Variants in TBC1D9 observed in about 807,000 individuals in gnomAD.
TBC1D9 encodes TBC1 domain family member 9.
In TBC1D9, 63 loss-of-function variants were observed where a neutral mutation model predicts 132.0. That is an observed-to-expected ratio of 0.48 (90% CI 0.39 to 0.59). The LOEUF is 0.59. Ranked by LOEUF, TBC1D9 falls within the 20% of genes least tolerant of loss-of-function variation. The pLI is 0.00. For missense variants in TBC1D9, 1,261 were observed against 1,592.7 expected (o/e 0.79, Z 3.54); for synonymous variants, 610 against 609.9 (o/e 1.00, Z 0.00).
At chr4:140,643,077 T>C in intron 13 of TBC1D9, 12 of 1,337,388 alleles carry the variant, frequency 9.0e-6, no homozygotes, top group Non-Finnish European at 1.2e-5. Flanking sequence ...GCTGTACTTA[T>C]TGTGGGCTTC....
intron 1 of TBC1D9, among the ~76,000 whole-genome samples, chr4:140,738,914 A>C (rs1230428658): frequency 6.6e-6 from 1 of 152,238 alleles, no homozygotes; most frequent in East Asian, 1.9e-4. Context: ...AATCCATGAC[A>C]AACAATGGCC....
chr4:140,660,361 A>G (rs928407531), intron 10 of TBC1D9, among the ~76,000 whole-genome samples: 2 of 152,264 alleles, frequency 1.3e-5, no homozygotes, highest in African/African-American at 4.8e-5. Flanking sequence ...CAAAAGGTAA[A>G]TATGAACTTT....
chr4:140,651,471 C>T (rs771174889), intron 13 of TBC1D9, among the ~76,000 whole-genome samples: 44 of 152,292 alleles, frequency 2.9e-4, no homozygotes, highest in Middle Eastern at 3.4e-3. Context: ...TCAATAACAA[C>T]AAAACAATCT....
chr4:140,662,187 CT>C, intron 9 of TBC1D9, 80 bp from the exon 10 acceptor site: 1 of 1,122,722 alleles, frequency 8.9e-7, no homozygotes, highest in Non-Finnish European at 1.4e-6. Context: ...TATGATTGAA[CT>C]GCTTTACTTT....
At chr4:140,733,740 T>C (rs1475716273) in intron 1 of TBC1D9, among the ~76,000 whole-genome samples, 3 of 152,214 alleles carry the variant, frequency 2.0e-5, no homozygotes, top group Non-Finnish European at 1.5e-5. Context: ...GAACTGCCTA[T>C]GCGTTCTGTT....
chr4:140,640,465 G>A (rs1338669919), intron 13 of TBC1D9, among the ~76,000 whole-genome samples: 2 of 147,022 alleles, frequency 1.4e-5, no homozygotes, highest in Non-Finnish European at 3.0e-5. Flanking sequence ...GGAGTAGGTG[G>A]GGGTGATTTC....
At chr4:140,640,903 GATTT>G (rs1194640474) in intron 13 of TBC1D9, among the ~76,000 whole-genome samples, 1 of 140,346 alleles carries the variant, frequency 7.1e-6, no homozygotes, top group African/African-American at 3.2e-5. Flanking sequence ...TATATATATA[GATTT>G]ATTTTACTTT....
intron 10 of TBC1D9, among the ~76,000 whole-genome samples, chr4:140,660,775 TAA>T (rs757239579): frequency 2.0e-5 from 3 of 152,218 alleles, no homozygotes; most frequent in Non-Finnish European, 4.4e-5. Context: ...TTGGAAGTTA[TAA>T]AGAGGTAAAA....
intron 13 of TBC1D9, chr4:140,641,735 T>C: frequency 6.0e-6 from 1 of 165,982 alleles, no homozygotes. Context: ...CCGGCGATAT[T>C]ATCACAACGA....
chr4:140,753,782 T>C (rs62348503), intron 1 of TBC1D9, among the ~76,000 whole-genome samples: 2,824 of 152,336 alleles, frequency 0.019, 50 homozygotes, highest in Non-Finnish European at 0.028. Flanking sequence ...TTAGCACTTC[T>C]AGAAGTTGCC....
chr4:140,646,903 A>T (rs1371543704), intron 13 of TBC1D9, among the ~76,000 whole-genome samples: 1 of 152,232 alleles, frequency 6.6e-6, no homozygotes, highest in Non-Finnish European at 1.5e-5. Flanking sequence ...GAAAAGCTGG[A>T]ATTCAAGAGT....
chr4:140,642,940 C>G (rs1353432729), intron 13 of TBC1D9: 14 of 619,034 alleles, frequency 2.3e-5, no homozygotes, highest in African/African-American at 3.7e-5. Context: ...TTCACCAGCT[C>G]ATGCTGCTTC....
chr4:140,686,603 CCAGAGGAGACACACACA>C, intron 2 of TBC1D9, 141 bp from the exon 3 acceptor site: 1 of 581,294 alleles, frequency 1.7e-6, no homozygotes, highest in East Asian at 2.8e-5. Context: ...TTTCTCTCCT[CCAGAGGAGACACACACA>C]CAAGACATTT....
intron 2 of TBC1D9, among the ~76,000 whole-genome samples, chr4:140,687,770 G>A (rs569989266): frequency 6.6e-6 from 1 of 152,196 alleles, no homozygotes; most frequent in African/African-American, 2.4e-5. Context: ...TTGCCTACAA[G>A]GGATGCTTAT....
chr4:140,657,369 G>A, intron 12 of TBC1D9, 143 bp from the exon 13 acceptor site: 1 of 1,346,706 alleles, frequency 7.4e-7, no homozygotes, highest in Non-Finnish European at 1.0e-6. Context: ...AAGAAATTCT[G>A]TTAATTTCTA....
In TBC1D9 at chr4:140,634,054, A is replaced by G; in HGVS notation, c.2640T>C (p.Pro880=). ...CGTCAGAGTGAGTTCCACATGCCCA[A>G]GGAAAGAGAAGAGCAAACATTCCCT... ...QFKGMFALLF[P]WACGTHSDVL... Residue 880 remains proline (P), a synonymous_variant, in exon 16 of 21, where the codon CCT becomes CCC. Coordinates refer to ENST00000442267, the MANE Select transcript of TBC1D9 (RefSeq NM_015130.3). 1 of 1,614,062 alleles carries G rather than the reference A, an allele frequency of 6.2e-7. No individual in the cohort carries two copies. Among genetic ancestry groups the G allele is most frequent in the Non-Finnish European group, 8.5e-7 (1 of 1,179,904 alleles).
intron 2 of TBC1D9, among the ~76,000 whole-genome samples, chr4:140,693,426 T>G (rs1379929080): frequency 6.6e-6 from 1 of 152,326 alleles, no homozygotes; most frequent in Admixed American, 6.5e-5. Context: ...GTACACCTGG[T>G]TTCAAACTTC....
At position 140,756,053 on chromosome 4, in the gene TBC1D9, G is replaced by A. The variant is rs1204907396; in HGVS notation, c.-8C>T. On this transcript the variant is annotated 5_prime_UTR_variant, in exon 1 of 21. Coordinates refer to ENST00000442267, the MANE Select transcript of TBC1D9 (RefSeq NM_015130.3). The surrounding 1 kb of genome is among the most constrained non-coding windows in gnomAD (Gnocchi z 5.6). Reference sequence around the variant, plus strand: ...CTCCGGGTTCACCCACATGGTCCTGGCTGCCGCGGGCGGGCGCACAATGGG... The same window carrying A: ...CTCCGGGTTCACCCACATGGTCCTGACTGCCGCGGGCGGGCGCACAATGGG... 2 of 1,598,980 alleles carry A rather than the reference G, an allele frequency of 1.3e-6. No individual in the cohort carries two copies. The highest frequency in any genetic ancestry group is 3.4e-5 in the Admixed American group (2 of 58,844).
chr4:140,738,343 T>G (rs1000029678), intron 1 of TBC1D9, among the ~76,000 whole-genome samples: 4 of 152,224 alleles, frequency 2.6e-5, no homozygotes, highest in Non-Finnish European at 5.9e-5. Flanking sequence ...GAGCATGAGA[T>G]GAATGCATAA....
Sources: gnomAD v4.1 joint callset for allele counts (sites outside exome capture counted in the v4.1 genomes callset) on GRCh38, gnomAD v4.1.1 for gene constraint, Gnocchi (gnomAD v3.1) non-coding constraint, MANE v1.5 for transcripts, NCBI Gene and HGNC (gene_info 2026-07-23, HGNC 2026-07-21) for gene names.